The following POU2F2 variants were observed in gnomAD, a reference collection of about 807,000 sequenced individuals.
POU2F2 encodes the protein POU domain, class 2, transcription factor 2.
Under a neutral mutation model 63.5 loss-of-function variants are expected in POU2F2, and 14 were observed. The observed-to-expected ratio is 0.22, with a 90% CI of 0.15 to 0.34. The LOEUF is 0.34. POU2F2 is among the 10% of genes least tolerant of loss of function. The pLI, the probability that POU2F2 is intolerant of heterozygous loss-of-function variation, is 1.00. For synonymous variants in POU2F2, 306 were observed against 348.6 expected (o/e 0.88, Z 1.36); for missense variants, 607 against 815.2 (o/e 0.74, Z 3.11).
Position 42,096,982 on chromosome 19 carries a change from A to G in POU2F2, c.568-739T>C, listed in dbSNP as rs1047337499. On this transcript the variant is annotated intron_variant, in intron 7 of 14. Coordinates refer to ENST00000692977, the MANE Select transcript of POU2F2 (RefSeq NM_001394376.1). This position sits in a 1 kb window ranked among gnomAD's most constrained non-coding sequence, Gnocchi z 4.1. Reference sequence around the variant, plus strand: ...AAATTAAGTCCTAAGCAATGAGTAGATTGCAAATAAAGTAAAAGTTAAGAA... The same window carrying G: ...AAATTAAGTCCTAAGCAATGAGTAGGTTGCAAATAAAGTAAAAGTTAAGAA... 2.0e-5 allele frequency among the ~76,000 whole-genome samples: 3 copies of G among 151,464 alleles called. No individual in the cohort carries two copies. Among genetic ancestry groups the G allele is most frequent in the African/African-American group, 7.3e-5 (3 of 41,260 alleles).
intron 1 of POU2F2, among the ~76,000 whole-genome samples, chr19:42,182,277 A>AGAGAGAGACC (rs1555736127): frequency 6.6e-6 from 1 of 150,678 alleles, no homozygotes; most frequent in Non-Finnish European, 1.5e-5. Flanking sequence ...AGAGAGAGAG[A>AGAGAGAGACC]GAGACCTGGA....
rs917830643 is a variant in POU2F2, at chr19:42,089,613, C to T, written c.*1644G>A. 3 of 152,156 alleles carry T rather than the reference C, an allele frequency of 2.0e-5. No homozygotes were observed. The highest frequency in any genetic ancestry group is 2.9e-5 in the Non-Finnish European group (2 of 67,926). The allele number at this position is 152,156 out of a possible 1,614,324, so 9.4% of individuals were successfully genotyped here. ...AGAAAGAAGCATCCGTCCTTCCATC[C>T]GCCTTGGGGAACAAGGGCCTGGACC... On this transcript the variant is annotated 3_prime_UTR_variant, in exon 15 of 15. Coordinates refer to ENST00000692977, the MANE Select transcript of POU2F2 (RefSeq NM_001394376.1).
At chr19:42,183,045 T>C (rs1212069954) in intron 1 of POU2F2, among the ~76,000 whole-genome samples, 1 of 152,174 alleles carries the variant, frequency 6.6e-6, no homozygotes, top group African/African-American at 2.4e-5. Flanking sequence ...GAAAAGGCCA[T>C]GAGGCATCTT....
chr19:42,195,969 G>A (rs1162159288), intron 1 of POU2F2, among the ~76,000 whole-genome samples: 4 of 152,048 alleles, frequency 2.6e-5, no homozygotes, highest in Admixed American at 6.6e-5. Flanking sequence ...TAGTAGAGAC[G>A]GGGTTTCACC....
At chr19:42,112,866 T>G (rs2146521553) in intron 5 of POU2F2, among the ~76,000 whole-genome samples, 1 of 152,268 alleles carries the variant, frequency 6.6e-6, no homozygotes, top group Non-Finnish European at 1.5e-5. Flanking sequence ...CTTTGGCTCC[T>G]CCCTCCCAGC....
At chr19:42,193,499 G>A (rs1226577569) in intron 1 of POU2F2, among the ~76,000 whole-genome samples, 1 of 152,108 alleles carries the variant, frequency 6.6e-6, no homozygotes, top group African/African-American at 2.4e-5. Context: ...GCCAAGGGAT[G>A]GTGGTGGCTA....
chr19:42,166,746 T>C (rs2034659446), intron 1 of POU2F2, among the ~76,000 whole-genome samples: 1 of 151,946 alleles, frequency 6.6e-6, no homozygotes, highest in Non-Finnish European at 1.5e-5. Context: ...AGGATGATGA[T>C]GGTTTTGGAG....
Position 42,086,213 on chromosome 19 carries a change from T to C in POU2F2, c.*5044A>G, listed in dbSNP as rs977337723. 1.3e-5 allele frequency: 2 copies of C among 151,968 alleles called. No individual in the cohort carries two copies. Among genetic ancestry groups the C allele is most frequent in the East Asian group, 1.9e-4 (1 of 5,182 alleles). The allele number at this position is 151,968 out of a possible 1,614,324, so 9.4% of individuals were successfully genotyped here. On this transcript the variant is annotated 3_prime_UTR_variant, in exon 15 of 15. Coordinates refer to ENST00000692977, the MANE Select transcript of POU2F2 (RefSeq NM_001394376.1). ...AAATGGGGCCTTAAAAGAAGCACAT[T>C]GTACAATGAACAAGCAGATTGGAGT...
rs774177418 is a variant in POU2F2 at position 42,117,009 on chromosome 19, C to T, written c.369+241G>A. 6 of 619,446 alleles carry T rather than the reference C, an allele frequency of 9.7e-6. No individual in the cohort carries two copies. The highest frequency in any genetic ancestry group is 1.9e-5 in the African/African-American group (1 of 53,968). 38.4% of individuals were successfully genotyped at this position (619,446 alleles called of 1,614,324 possible). A position where few individuals can be genotyped will look rare whatever the true frequency, so the allele number is the denominator to read the frequency against. The stretch of plus-strand genomic sequence containing the variant: ...GAGCTGGCATCAGTGCCGTGAGCTG[C>T]GGGGTGTCGGGGACAGCAGGAATTG... On this transcript the variant is annotated intron_variant, in intron 5 of 14. Coordinates refer to ENST00000692977, the MANE Select transcript of POU2F2 (RefSeq NM_001394376.1). This position sits in a 1 kb window ranked among gnomAD's most constrained non-coding sequence, Gnocchi z 4.4.
At chr19:42,190,028 G>GT (rs2035059042) in intron 1 of POU2F2, among the ~76,000 whole-genome samples, 1 of 152,258 alleles carries the variant, frequency 6.6e-6, no homozygotes, top group Non-Finnish European at 1.5e-5. Flanking sequence ...CACCTGGTGA[G>GT]TTTTTTTCTT....
chr19:42,145,700 C>A (rs952568243), intron 2 of POU2F2, among the ~76,000 whole-genome samples: 1 of 152,098 alleles, frequency 6.6e-6, no homozygotes, highest in African/African-American at 2.4e-5. Context: ...TCTGGGAGGC[C>A]AAGGCAGGTG....
intron 5 of POU2F2, among the ~76,000 whole-genome samples, chr19:42,115,693 C>T (rs972023358): frequency 2.0e-5 from 3 of 152,172 alleles, no homozygotes; most frequent in African/African-American, 7.2e-5. Flanking sequence ...ACTCTGCTCC[C>T]CCGGCTGTCC....
intron 2 of POU2F2, among the ~76,000 whole-genome samples, chr19:42,139,494 T>C (rs1010697867): frequency 6.6e-6 from 1 of 152,162 alleles, no homozygotes; most frequent in South Asian, 2.1e-4. Flanking sequence ...TCTTTTATTT[T>C]ATTTTACTTT....
intron 1 of POU2F2, among the ~76,000 whole-genome samples, chr19:42,127,672 C>T (rs892973393): frequency 4.6e-5 from 7 of 152,104 alleles, no homozygotes; most frequent in African/African-American, 1.2e-4. Context: ...TGAGCCACCA[C>T]GCCCGGCCAT....
chr19:42,182,072 A>G (rs1255049862), intron 1 of POU2F2, among the ~76,000 whole-genome samples: 2 of 152,154 alleles, frequency 1.3e-5, no homozygotes, highest in East Asian at 3.9e-4. Context: ...GGAAGGGAAG[A>G]AACTGGGGAG....
intron 7 of POU2F2, among the ~76,000 whole-genome samples, chr19:42,098,423 A>C (rs570863476): frequency 4.2e-4 from 64 of 151,988 alleles, no homozygotes; most frequent in Admixed American, 1.0e-3. Flanking sequence ...AAAAAAAAAA[A>C]AAAAAACAAA....
chr19:42,183,774 G>A (rs1304895472), intron 1 of POU2F2, among the ~76,000 whole-genome samples: 9 of 152,064 alleles, frequency 5.9e-5, no homozygotes, highest in East Asian at 3.9e-4. Context: ...TGGAGAAAGC[G>A]TTCCCATGGA....
chr19:42,140,046 A>G (rs539830748), intron 2 of POU2F2, among the ~76,000 whole-genome samples: 2 of 152,162 alleles, frequency 1.3e-5, no homozygotes, highest in Admixed American at 6.5e-5. Flanking sequence ...CTGCTCCTCA[A>G]CCTGGCTTGT....
chr19:42,151,065 G>A (rs553840935), intron 2 of POU2F2, among the ~76,000 whole-genome samples: 18 of 152,242 alleles, frequency 1.2e-4, no homozygotes, highest in Non-Finnish European at 2.2e-4. Flanking sequence ...CCCCTACCTG[G>A]CCCCCTGCTC....
Sources: gnomAD v4.1 joint callset for allele counts (sites outside exome capture counted in the v4.1 genomes callset) on GRCh38, gnomAD v4.1.1 for gene constraint, Gnocchi (gnomAD v3.1) non-coding constraint, MANE v1.5 for transcripts, NCBI Gene and HGNC (gene_info 2026-07-23, HGNC 2026-07-21) for gene names.